The following HDAC9 variants were observed in gnomAD, a reference collection of about 807,000 sequenced individuals.
HDAC9 encodes the protein MEF-2 interacting transcription repressor (MITR) protein.
In HDAC9, 41 loss-of-function variants were observed where a neutral mutation model predicts 139.4. That is an observed-to-expected ratio of 0.29 (90% CI 0.23 to 0.38). The LOEUF (loss-of-function observed/expected upper bound fraction) is 0.38, where lower values mean the gene tolerates loss of function less well. HDAC9 is among the 10% of genes least tolerant of loss of function. The pLI, the probability that HDAC9 is intolerant of heterozygous loss-of-function variation, is 1.00. For missense variants in HDAC9, 1,147 were observed against 1,297.0 expected (o/e 0.88, Z 1.78); for synonymous variants, 517 against 476.2 (o/e 1.09, Z -1.12).
intron 12 of HDAC9, among the ~76,000 whole-genome samples, chr7:18,690,125 T>C (rs895002849): frequency 1.6e-4 from 25 of 152,004 alleles, no homozygotes; most frequent in Admixed American, 9.9e-4. Flanking sequence ...TATTGCTGCT[T>C]GTCTCTCAAC....
intron 12 of HDAC9, among the ~76,000 whole-genome samples, chr7:18,710,768 TG>T (rs879476791): frequency 7.8e-4 from 119 of 152,294 alleles, no homozygotes; most frequent in African/African-American, 2.8e-3. Context: ...GGAAAGCCGC[TG>T]AAGTTTAAAT....
intron 17 of HDAC9, among the ~76,000 whole-genome samples, chr7:18,810,292 T>C (rs1354860949): frequency 6.6e-6 from 1 of 151,948 alleles, no homozygotes; most frequent in Non-Finnish European, 1.5e-5. Context: ...CGGAGTATTC[T>C]TCCCATCTCA....
intron 1 of HDAC9, among the ~76,000 whole-genome samples, chr7:18,094,771 G>C (rs1782392893): frequency 6.6e-6 from 1 of 151,968 alleles, no homozygotes; most frequent in Non-Finnish European, 1.5e-5. Flanking sequence ...ATTTTTAACT[G>C]TTGCAACTCC....
intron 2 of HDAC9, among the ~76,000 whole-genome samples, chr7:18,237,366 T>C (rs886310197): frequency 5.3e-5 from 8 of 152,232 alleles, no homozygotes; most frequent in Admixed American, 6.5e-5. Context: ...GGAAACATCT[T>C]GCTGTGGAGT....
intron 22 of HDAC9, among the ~76,000 whole-genome samples, chr7:18,934,298 GTCCCAACCACATC>G (rs1220655373): frequency 6.6e-6 from 1 of 150,990 alleles, no homozygotes; most frequent in African/African-American, 2.4e-5. Context: ...AAAACAGAGG[GTCCCAACCACATC>G]AAAATTCATT....
At chr7:18,553,638 CA>C (rs1164770119) in intron 2 of HDAC9, among the ~76,000 whole-genome samples, 1 of 152,174 alleles carries the variant, frequency 6.6e-6, no homozygotes, top group Non-Finnish European at 1.5e-5. Flanking sequence ...ATTATTTAAA[CA>C]TAAGTTTTTC....
At position 18,410,295 on chromosome 7, in the gene HDAC9, G is replaced by A. The variant is rs181961413; in HGVS notation, c.-41-85967G>A. 2.9e-4 allele frequency among the ~76,000 whole-genome samples: 44 copies of A among 152,274 alleles called. 1 individual carries two copies. Among genetic ancestry groups the A allele is most frequent in the Admixed American group, 1.7e-3 (26 of 15,288 alleles). ...ATGGAGAGACTTAGGGACAAGATGA[G>A]TGTGTCATGGAGAAGCTGAGGACCA... is the stretch of plus-strand genomic sequence containing the variant. On this transcript the variant is annotated intron_variant, in intron 1 of 3. Transcript: ENST00000413509.
At chr7:18,798,402 A>C (rs908209074) in intron 17 of HDAC9, among the ~76,000 whole-genome samples, 1 of 152,184 alleles carries the variant, frequency 6.6e-6, no homozygotes, top group African/African-American at 2.4e-5. Flanking sequence ...AAACCAGCTG[A>C]ATTTTGGTGA....
In HDAC9 at chr7:18,325,959, T is replaced by C. The variant is rs567908453; in HGVS notation, c.-42+35444T>C. 9.2e-5 allele frequency among the ~76,000 whole-genome samples: 14 copies of C among 152,186 alleles called. No homozygotes were observed. In the South Asian group the frequency reaches 2.1e-3, roughly 23 times the overall value. On this transcript the variant is annotated intron_variant, in intron 1 of 3. Coordinates refer to the HDAC9 transcript ENST00000413509. ...ACTCTGTGATGTCCACATGAAGATA[T>C]TGCCTGACAATCCATTTCTTAGAAT...
intron 19 of HDAC9, among the ~76,000 whole-genome samples, chr7:18,833,900 A>G (rs561670044): frequency 4.2e-4 from 64 of 152,306 alleles, no homozygotes; most frequent in Middle Eastern, 3.4e-3. Flanking sequence ...TGGCATGAAG[A>G]CAGGTCATAT....
chr7:18,847,907 G>C (rs573859745), intron 21 of HDAC9, among the ~76,000 whole-genome samples: 1 of 152,288 alleles, frequency 6.6e-6, no homozygotes, highest in African/African-American at 2.4e-5. Flanking sequence ...ATCACCTCTG[G>C]TTAGGAAAGT....
chr7:18,991,481 C>T (rs1418465299), intron 25 of HDAC9, among the ~76,000 whole-genome samples: 1 of 151,958 alleles, frequency 6.6e-6, no homozygotes, highest in Non-Finnish European at 1.5e-5. Context: ...ACTAAAAATA[C>T]AAAAAATTAG....
chr7:18,665,947 A>G (rs1309699544), intron 11 of HDAC9, among the ~76,000 whole-genome samples: 1 of 152,098 alleles, frequency 6.6e-6, no homozygotes, highest in East Asian at 1.9e-4. Flanking sequence ...TTCTAACTGC[A>G]TTAAAGAGTG....
At chr7:18,887,107 G>A (rs1800223149) in intron 22 of HDAC9, among the ~76,000 whole-genome samples, 1 of 152,156 alleles carries the variant, frequency 6.6e-6, no homozygotes. Flanking sequence ...CTTGGGGAAT[G>A]GACGTGCAGC....
At chr7:18,321,520 T>A (rs1231710108) in intron 1 of HDAC9, among the ~76,000 whole-genome samples, 4 of 152,144 alleles carry the variant, frequency 2.6e-5, no homozygotes, top group East Asian at 3.9e-4. Flanking sequence ...ATATGCTTTT[T>A]AAAAAAATGT....
intron 2 of HDAC9, among the ~76,000 whole-genome samples, chr7:18,237,187 G>T (rs1488414781): frequency 6.6e-6 from 1 of 152,168 alleles, no homozygotes; most frequent in Non-Finnish European, 1.5e-5. Flanking sequence ...ACGGAGAGTT[G>T]CTGTGAAAGA....
intron 2 of HDAC9, among the ~76,000 whole-genome samples, chr7:18,197,146 T>A (rs1790784063): frequency 6.6e-6 from 1 of 152,210 alleles, no homozygotes; most frequent in South Asian, 2.1e-4. Flanking sequence ...AGTAGCCTTC[T>A]GGCTTCTGAC....
chr7:18,903,149 T>C (rs1333445754), intron 22 of HDAC9, among the ~76,000 whole-genome samples: 1 of 152,192 alleles, frequency 6.6e-6, no homozygotes, highest in African/African-American at 2.4e-5. Context: ...CTTTGAGAAA[T>C]GATGGAATTT....
At chr7:18,373,516 T>C (rs1459724866) in intron 1 of HDAC9, among the ~76,000 whole-genome samples, 1 of 152,228 alleles carries the variant, frequency 6.6e-6, no homozygotes, top group Non-Finnish European at 1.5e-5. Context: ...TGTTGAGCTT[T>C]GTGTCCAAGT....
Sources: gnomAD v4.1 joint callset for allele counts (sites outside exome capture counted in the v4.1 genomes callset) on GRCh38, gnomAD v4.1.1 for gene constraint, MANE v1.5 for transcripts, NCBI Gene and HGNC (gene_info 2026-07-23, HGNC 2026-07-21) for gene names.